Variants in ARHGAP15 observed in about 807,000 individuals in gnomAD.
The protein encoded by ARHGAP15 is Rho GTPase activating protein 15.
ARHGAP15 carries 51 observed loss-of-function variants against 63.7 expected under a neutral mutation model. The ratio of observed to expected loss-of-function variants is 0.80; its 90% CI spans 0.64 to 1.01. The LOEUF (loss-of-function observed/expected upper bound fraction) is 1.01. Among genes scored for constraint, ARHGAP15 ranks in the 50% least tolerant of loss-of-function variants. ARHGAP15 has a pLI of 0.00. For missense variants in ARHGAP15, 560 were observed against 564.6 expected (o/e 0.99, Z 0.08); for synonymous variants, 191 against 193.8 (o/e 0.99, Z 0.12).
intron 12 of ARHGAP15, among the ~76,000 whole-genome samples, chr2:143,653,702 GC>G (rs1412115129): frequency 6.6e-6 from 1 of 152,050 alleles, no homozygotes; most frequent in Non-Finnish European, 1.5e-5. Flanking sequence ...AATACTACCT[GC>G]CCCCCATACT....
intron 2 of ARHGAP15, among the ~76,000 whole-genome samples, chr2:143,188,040 C>T (rs953113672): frequency 6.6e-6 from 1 of 152,114 alleles, no homozygotes; most frequent in African/African-American, 2.4e-5. Flanking sequence ...CCTTCAACAG[C>T]TTTGTTTTTT....
chr2:143,426,299 C>T (rs1452242731), intron 6 of ARHGAP15, among the ~76,000 whole-genome samples: 1 of 151,998 alleles, frequency 6.6e-6, no homozygotes. Context: ...GGCTGTGAAT[C>T]CTTAGATTTG....
At chr2:143,332,586 A>G (rs764814510) in intron 6 of ARHGAP15, among the ~76,000 whole-genome samples, 2 of 152,170 alleles carry the variant, frequency 1.3e-5, no homozygotes, top group Non-Finnish European at 2.9e-5. Context: ...CGGCTTTTCT[A>G]TTCAAATATC....
intron 4 of ARHGAP15, 40 bp from the exon 5 acceptor site, chr2:143,228,541 C>T (rs764763103): frequency 9.3e-6 from 13 of 1,391,832 alleles, no homozygotes; most frequent in Non-Finnish European, 1.3e-5. Flanking sequence ...ATTTCTTCAA[C>T]TGATAATGCT....
chr2:143,348,765 A>G (rs1160920097), intron 6 of ARHGAP15, among the ~76,000 whole-genome samples: 1 of 152,194 alleles, frequency 6.6e-6, no homozygotes, highest in Admixed American at 6.5e-5. Context: ...TAAAATTTCA[A>G]TGGTGATAGT....
intron 9 of ARHGAP15, among the ~76,000 whole-genome samples, chr2:143,511,604 G>A (rs1559019566): frequency 6.6e-6 from 1 of 151,004 alleles, no homozygotes; most frequent in Non-Finnish European, 1.5e-5. Flanking sequence ...TTTTGAAGAG[G>A]AGAGTAGAAA....
At chr2:143,422,531 G>A (rs1688968138) in intron 6 of ARHGAP15, among the ~76,000 whole-genome samples, 1 of 152,116 alleles carries the variant, frequency 6.6e-6, no homozygotes, top group Non-Finnish European at 1.5e-5. Flanking sequence ...ACAAAATTCA[G>A]TTCAGGCTGT....
At chr2:143,303,269 A>G (rs75276067) in intron 6 of ARHGAP15, among the ~76,000 whole-genome samples, 10 of 152,232 alleles carry the variant, frequency 6.6e-5, no homozygotes, top group Non-Finnish European at 1.0e-4. Context: ...TCCATCTGAC[A>G]AAGGATTAAT....
At chr2:143,433,611 G>A (rs903258617) in intron 6 of ARHGAP15, among the ~76,000 whole-genome samples, 7 of 152,162 alleles carry the variant, frequency 4.6e-5, no homozygotes, top group East Asian at 1.9e-4. Context: ...AAATGCAAAC[G>A]CACTGCTAAA....
chr2:143,194,529 A>G (rs1349615969), intron 2 of ARHGAP15, among the ~76,000 whole-genome samples: 1 of 152,162 alleles, frequency 6.6e-6, no homozygotes, highest in Non-Finnish European at 1.5e-5. Flanking sequence ...CATTATATCA[A>G]TTTAGAAATT....
At chr2:143,152,318 C>A (rs1254246113) in intron 1 of ARHGAP15, among the ~76,000 whole-genome samples, 1 of 151,964 alleles carries the variant, frequency 6.6e-6, no homozygotes, top group African/African-American at 2.4e-5. Flanking sequence ...TATCTGCACA[C>A]CTTTGCATTG....
chr2:143,519,339 A>G lies in ARHGAP15; in HGVS notation c.900A>G (p.Gln300=), dbSNP rs369548038. 1 of 1,612,938 alleles carries G rather than the reference A, an allele frequency of 6.2e-7. No individual in the cohort carries two copies. The highest frequency in any genetic ancestry group is 8.5e-7 in the Non-Finnish European group (1 of 1,179,116). ...ENSTVPWFVK[Q]CIEAVEKRGL... ...CCACAGTTCCGTGGTTTGTAAAGCA[A>G]TGCATTGAAGCTGTTGAGAAAAGAG... is the stretch of plus-strand genomic sequence containing the variant. Residue 300 remains glutamine, a synonymous_variant, in exon 10 of 14, where the codon CAA becomes CAG. Transcript: ENST00000295095.
intron 12 of ARHGAP15, among the ~76,000 whole-genome samples, chr2:143,644,813 A>G (rs1680790271): frequency 6.6e-6 from 1 of 152,054 alleles, no homozygotes; most frequent in African/African-American, 2.4e-5. Flanking sequence ...TTTTAGTTCT[A>G]GTCCTCATTT....
rs1416843897 is a variant in ARHGAP15, at chr2:143,470,358, A to C, written c.704-17015A>C. On this transcript the variant is annotated intron_variant, in intron 8 of 13. Transcript: ENST00000295095. Reference sequence around the variant, plus strand: ...TAAGACCTGTTGTGTATATAAACTCAAACTGTCATTTAGTGATAATTACCA... The same window carrying C: ...TAAGACCTGTTGTGTATATAAACTCCAACTGTCATTTAGTGATAATTACCA... Among the ~76,000 whole-genome samples, 3 of 151,412 alleles carry C rather than the reference A, an allele frequency of 2.0e-5. No homozygotes were observed. The East Asian group carries it at 5.8e-4, about 29-fold the overall frequency.
chr2:143,443,157 A>G (rs926766469), intron 8 of ARHGAP15, among the ~76,000 whole-genome samples: 10 of 152,210 alleles, frequency 6.6e-5, no homozygotes, highest in African/African-American at 2.4e-4. Flanking sequence ...GGAGGCTCAT[A>G]TAAATACATA....
chr2:143,371,244 T>G (rs1375215390), intron 6 of ARHGAP15, among the ~76,000 whole-genome samples: 2 of 152,248 alleles, frequency 1.3e-5, no homozygotes, highest in African/African-American at 2.4e-5. Flanking sequence ...GGGGGTTTGC[T>G]GCACCTATTA....
intron 6 of ARHGAP15, among the ~76,000 whole-genome samples, chr2:143,396,472 C>T: frequency 6.6e-6 from 1 of 152,008 alleles, no homozygotes; most frequent in Non-Finnish European, 1.5e-5. Context: ...GTCCCCCAGT[C>T]AAGTGGTCCC....
At chr2:143,370,676 T>C (rs1686510442) in intron 6 of ARHGAP15, among the ~76,000 whole-genome samples, 1 of 152,178 alleles carries the variant, frequency 6.6e-6, no homozygotes, top group Admixed American at 6.5e-5. Context: ...ATAGTTAGAA[T>C]TCTTAACTCT....
chr2:143,253,478 C>T (rs936277708), intron 6 of ARHGAP15, among the ~76,000 whole-genome samples: 2 of 151,996 alleles, frequency 1.3e-5, no homozygotes, highest in African/African-American at 2.4e-5. Flanking sequence ...AAACTGTTGA[C>T]ATGGACTGAA....
Sources: gnomAD v4.1 joint callset for allele counts (sites outside exome capture counted in the v4.1 genomes callset) on GRCh38, gnomAD v4.1.1 for gene constraint, MANE v1.5 for transcripts, NCBI Gene and HGNC (gene_info 2026-07-23, HGNC 2026-07-21) for gene names.